TUBGCP6: variants seen among roughly 807,000 people sequenced by gnomAD.
The protein encoded by TUBGCP6 is gamma-tubulin complex component 6.
A neutral mutation model predicts 175.8 loss-of-function variants in TUBGCP6; 161 were observed. That is an observed-to-expected ratio of 0.92 (90% CI 0.81 to 1.04). The LOEUF is 1.04. TUBGCP6 is among the 50% of genes least tolerant of loss of function. TUBGCP6 has a pLI of 0.00. For synonymous variants in TUBGCP6, 1,173 were observed against 1,030.5 expected (o/e 1.14, Z -2.65); for missense variants, 2,572 against 2,433.0 (o/e 1.06, Z -1.20).
chr22:50,238,269 G>A (rs1031508501), intron 2 of TUBGCP6, among the ~76,000 whole-genome samples: 1 of 151,740 alleles, frequency 6.6e-6, no homozygotes, highest in African/African-American at 2.4e-5. Context: ...GGAACCTGGT[G>A]TTGGAAGGTT....
intron 10 of TUBGCP6, 92 bp from the exon 11 acceptor site, chr22:50,224,684 A>C: frequency 8.0e-7 from 1 of 1,257,430 alleles, no homozygotes; most frequent in South Asian, 1.2e-5. Context: ...AGGTGGGTAG[A>C]TCACATGAGC....
rs373127265 is a variant in TUBGCP6, at chr22:50,244,063, A to T, written c.397T>A (p.Phe133Ile). 6.2e-6 allele frequency: 10 copies of T among 1,613,920 alleles called. No individual in the cohort carries two copies. The highest frequency in any genetic ancestry group is 7.6e-6 in the Non-Finnish European group (9 of 1,180,034). The part of the protein sequence containing the change: ...PQVLPRKRDY[F>I]LNNKHVGRNV... ...CTCCCCACATGCTTGTTGTTAAGGA[A>T]GTAGTCTCGTTTTCTCGGCAGAACT... The change falls in exon 1 of 25, where the codon TTC (phenylalanine) becomes ATC (isoleucine). Residue 133 changes from phenylalanine (F) to isoleucine (I), a missense_variant. Transcript: ENST00000248846.
intron 14 of TUBGCP6, 83 bp from the exon 15 acceptor site, chr22:50,222,185 C>A: frequency 7.1e-7 from 1 of 1,406,694 alleles, no homozygotes; most frequent in Non-Finnish European, 9.9e-7. Context: ...CCCCTACCGC[C>A]CATGGCAGCC....
Position 50,218,408 on chromosome 22 carries a change from G to A in TUBGCP6, c.4955-6C>T, listed in dbSNP as rs745670107. The A allele has an allele frequency of 8.7e-5, 140 of 1,612,670 alleles. No individual in the cohort carries two copies. Among genetic ancestry groups the A allele is most frequent in the Middle Eastern group, 1.6e-4 (1 of 6,084 alleles). On this transcript the variant is annotated splice_polypyrimidine_tract_variant and splice_region_variant and intron_variant, in intron 22 of 24. Coordinates refer to ENST00000248846, the MANE Select transcript of TUBGCP6 (RefSeq NM_020461.4). ...GGCCATGTGGCTCAGCAGGGCTGGC[G>A]GAGGGCAGAAGGCAGAGGGCAGAGG...
chr22:50,231,847 G>A (rs1169457988), intron 3 of TUBGCP6, among the ~76,000 whole-genome samples: 2 of 129,232 alleles, frequency 1.5e-5, no homozygotes, highest in Admixed American at 8.2e-5. Context: ...GCCACAGAGC[G>A]AGACTCCGTC....
chr22:50,222,814 C>T (rs984626553), intron 13 of TUBGCP6, among the ~76,000 whole-genome samples: 5 of 152,236 alleles, frequency 3.3e-5, no homozygotes, highest in Admixed American at 2.6e-4. Context: ...GGTGAGTCAG[C>T]GTCCAGCCAG....
At chr22:50,239,414 T>A (rs1408415577) in intron 2 of TUBGCP6, among the ~76,000 whole-genome samples, 2 of 152,192 alleles carry the variant, frequency 1.3e-5, no homozygotes, top group Non-Finnish European at 2.9e-5. Flanking sequence ...TGACTTCAAG[T>A]GATCTGCCCG....
intron 2 of TUBGCP6, among the ~76,000 whole-genome samples, chr22:50,239,481 T>C (rs1363789615): frequency 6.6e-6 from 1 of 152,186 alleles, no homozygotes; most frequent in Non-Finnish European, 1.5e-5. Context: ...CCAGGCGAAA[T>C]GCATATTCTC....
At chr22:50,241,982 TCAAAAAAAAAAA>T (rs1569127935) in intron 1 of TUBGCP6, among the ~76,000 whole-genome samples, 1 of 27,948 alleles carries the variant, frequency 3.6e-5, no homozygotes, top group African/African-American at 4.2e-4. Context: ...AGACTCCATC[TCAAAAAAAAAAA>T]AAAAAAAAAA....
rs1569107494 is a variant in TUBGCP6 at position 50,218,012 on chromosome 22, G to A, written c.5274C>T (p.Pro1758=). 2 of 1,612,602 alleles carry A rather than the reference G, an allele frequency of 1.2e-6. No individual in the cohort carries two copies. Among genetic ancestry groups the A allele is most frequent in the Non-Finnish European group, 1.7e-6 (2 of 1,179,590 alleles). The change falls in exon 24 of 25, where the codon CCC becomes CCT. Residue 1758 remains proline (P), a synonymous_variant. Coordinates refer to ENST00000248846, the MANE Select transcript of TUBGCP6 (RefSeq NM_020461.4). ...GCTCTGCACCCCGCGGGCCCCCAGG[G>A]GGCCCCCAGGCCTGGGAGATGAGCT... ...RSQLISQAWG[P]PGGPRGAEHP... is the part of the protein sequence containing the mutation.
chr22:50,221,804 G>C lies in TUBGCP6; in HGVS notation c.2555C>G (p.Ser852Trp). ...GCDSGSAEQH[S>W]PAWDGWNRPG... ...CCTGTTCCAGCCATCCCAGGCAGGCGAGTGTTGCTCTGCAGACCCAGAATC... is the reference window on the plus strand; with the variant it reads ...CCTGTTCCAGCCATCCCAGGCAGGCCAGTGTTGCTCTGCAGACCCAGAATC... Residue 852 changes from serine (S) to tryptophan (W), a missense_variant, in exon 16 of 25, where the codon TCG (serine) becomes TGG (tryptophan). Coordinates refer to ENST00000248846, the MANE Select transcript of TUBGCP6 (RefSeq NM_020461.4). The C allele has an allele frequency of 6.6e-7, 1 of 1,511,350 alleles. No homozygotes were observed. 93.6% of individuals were successfully genotyped at this position (1,511,350 alleles called of 1,614,324 possible).
intron 10 of TUBGCP6, among the ~76,000 whole-genome samples, chr22:50,225,530 G>T (rs2064592483): frequency 6.6e-6 from 1 of 151,802 alleles, no homozygotes; most frequent in Non-Finnish European, 1.5e-5. Context: ...CCCAGGAGGA[G>T]AAGTCAGAGC....
intron 2 of TUBGCP6, among the ~76,000 whole-genome samples, chr22:50,234,165 A>G (rs1411532832): frequency 1.6e-5 from 2 of 125,408 alleles, no homozygotes; most frequent in Admixed American, 1.6e-4. Flanking sequence ...CATCACCCAC[A>G]CCCATCCACG....
intron 2 of TUBGCP6, among the ~76,000 whole-genome samples, chr22:50,236,328 G>T (rs562994963): frequency 8.9e-4 from 135 of 152,156 alleles, no homozygotes; most frequent in Non-Finnish European, 1.3e-3. Flanking sequence ...GCAGAGATGG[G>T]GTTTCACCGT....
chr22:50,243,634 A>AT, intron 1 of TUBGCP6, 85 bp downstream of exon 1: 1 of 789,080 alleles, frequency 1.3e-6, no homozygotes, highest in Non-Finnish European at 1.7e-6. Context: ...AAAAAAAAAA[A>AT]GAAGAAGAAG....
Position 50,244,246 on chromosome 22 carries a change from T to C in TUBGCP6, c.214A>G (p.Met72Val). ...CCCACTCTCAAGTCAAAGGACAACA[T>C]GAGGATCTTGTTTCTCGCTGGTAGT... The part of the protein sequence containing the change: ...SKLPARNKIL[M>V]LSFDLRVGGL... The change falls in exon 1 of 25, where the codon ATG becomes GTG. Residue 72 changes from methionine to valine, a missense_variant. Coordinates refer to ENST00000248846, the MANE Select transcript of TUBGCP6 (RefSeq NM_020461.4). 7 of 1,613,414 alleles carry C rather than the reference T, an allele frequency of 4.3e-6. No homozygotes were observed. Among genetic ancestry groups the C allele is most frequent in the Non-Finnish European group, 5.1e-6 (6 of 1,179,972 alleles).
At position 50,233,484 on chromosome 22, in the gene TUBGCP6, T is replaced by G. The variant is rs1168278928; in HGVS notation, c.948A>C (p.Gly316=). The G allele has an allele frequency of 1.2e-5, 20 of 1,611,130 alleles. No homozygotes were observed. The East Asian group carries it at 4.5e-4, about 36-fold the overall frequency. ...HREEPYLTEA[G]RDAFDKFCRL... ...TGCAGAACTTGTCGAAAGCGTCCCT[T>G]CCCGCCTCCGTCAGGTAAGGCTCCT... The change falls in exon 3 of 25, where the codon GGA becomes GGC. Residue 316 remains glycine, a synonymous_variant. Coordinates refer to ENST00000248846, the MANE Select transcript of TUBGCP6 (RefSeq NM_020461.4).
intron 1 of TUBGCP6, among the ~76,000 whole-genome samples, chr22:50,241,365 T>G (rs1166854121): frequency 6.6e-6 from 1 of 152,098 alleles, no homozygotes; most frequent in Non-Finnish European, 1.5e-5. Flanking sequence ...GTAGCGTCAG[T>G]GCCTAGGAAA....
intron 3 of TUBGCP6, among the ~76,000 whole-genome samples, chr22:50,232,097 G>T (rs567345886): frequency 1.9e-4 from 29 of 151,904 alleles, no homozygotes; most frequent in African/African-American, 6.8e-4. Context: ...GGGCGTGGTG[G>T]CTCATGCCTG....
Sources: allele counts gnomAD v4.1 joint callset (sites outside exome capture counted in the v4.1 genomes callset), GRCh38; gene constraint gnomAD v4.1.1; transcripts MANE v1.5; gene names NCBI Gene and HGNC (gene_info 2026-07-23, HGNC 2026-07-21).